Variants in SLC16A12 observed in about 807,000 individuals in gnomAD.
SLC16A12 encodes solute carrier family 16 member 12.
Under a neutral mutation model 42.4 loss-of-function variants are expected in SLC16A12, and 17 were observed. The observed-to-expected ratio is 0.40, with a 90% CI of 0.27 to 0.60. The LOEUF (loss-of-function observed/expected upper bound fraction) is 0.60. SLC16A12 is among the 20% of genes least tolerant of loss of function. SLC16A12 has a pLI of 0.42. For synonymous variants in SLC16A12, 224 were observed against 229.4 expected, an observed-to-expected ratio of 0.98 and a Z score of 0.21; for missense variants, 544 against 623.0, an observed-to-expected ratio of 0.87 and a Z score of 1.35.
intron 3 of SLC16A12, among the ~76,000 whole-genome samples, chr10:89,454,794 C>T (rs1273206062): frequency 6.6e-6 from 1 of 152,114 alleles, no homozygotes; most frequent in African/African-American, 2.4e-5. Context: ...GGACATTTAT[C>T]ACACTGTGTG....
intron 2 of SLC16A12, among the ~76,000 whole-genome samples, chr10:89,506,806 T>C (rs1287887704): frequency 1.3e-5 from 2 of 152,066 alleles, no homozygotes; most frequent in Admixed American, 6.6e-5. Flanking sequence ...TCTAACCCAA[T>C]GCAAGAAAGC....
At chr10:89,436,804 G>GA (rs1841793474) in intron 6 of SLC16A12, among the ~76,000 whole-genome samples, 1 of 131,376 alleles carries the variant, frequency 7.6e-6, no homozygotes, top group Admixed American at 7.4e-5. Flanking sequence ...GAAAGGAAAG[G>GA]AGGAAGGAAG....
intron 2 of SLC16A12, among the ~76,000 whole-genome samples, chr10:89,517,895 CACT>C (rs1179458612): frequency 1.3e-5 from 2 of 152,084 alleles, no homozygotes; most frequent in Non-Finnish European, 1.5e-5. Context: ...AATTAAGAAA[CACT>C]ACTATATTAA....
chr10:89,450,124 G>C (rs1842070198), intron 3 of SLC16A12, among the ~76,000 whole-genome samples: 1 of 152,222 alleles, frequency 6.6e-6, no homozygotes, highest in Non-Finnish European at 1.5e-5. Context: ...GTGCTGGAGA[G>C]GATGTGGAGA....
At position 89,436,220 on chromosome 10, in the gene SLC16A12, G is replaced by A. The variant is rs1400294427; in HGVS notation, c.1128C>T (p.Leu376=). The change falls in exon 7 of 8, where the codon CTC becomes CTT. Residue 376 remains leucine, a synonymous_variant. Coordinates refer to ENST00000371790, the MANE Select transcript of SLC16A12 (RefSeq NM_213606.4). ...AGCCAAAGGTACAAGAGAAAGGCAC[G>A]AGCAGAGGGAGACTTTGAAGCATTG... The part of the protein sequence containing the change: ...CLPMLQSLPL[L]VPFSCTFGYF... 6 of 1,614,108 alleles carry A rather than the reference G, an allele frequency of 3.7e-6. No individual in the cohort carries two copies. Among genetic ancestry groups the A allele is most frequent in the South Asian group, 3.3e-5 (3 of 91,080 alleles).
In SLC16A12 at chr10:89,436,082, G is replaced by A; in HGVS notation, c.1266C>T (p.Tyr422=). 1 of 1,613,938 alleles carries A rather than the reference G, an allele frequency of 6.2e-7. No individual in the cohort carries two copies. Among genetic ancestry groups the A allele is most frequent in the Non-Finnish European group, 8.5e-7 (1 of 1,179,876 alleles). ...GVVYFLHAVP[Y]LVSPPIAGRL... is the part of the protein sequence containing the mutation. ...TACCTGCGATGGGTGGGCTCACCAA[G>A]TATGGCACTGCGTGAAGGAAGTATA... Residue 422 remains tyrosine, a synonymous_variant, in exon 7 of 8, where the codon TAC becomes TAT. Transcript: ENST00000371790.
chr10:89,532,930 C>T (rs933460677), intron 2 of SLC16A12, among the ~76,000 whole-genome samples: 1 of 152,130 alleles, frequency 6.6e-6, no homozygotes, highest in African/African-American at 2.4e-5. Flanking sequence ...AATTAGTCTC[C>T]AATACTAACA....
At chr10:89,468,812 T>C (rs1461432488) in intron 2 of SLC16A12, among the ~76,000 whole-genome samples, 1 of 152,036 alleles carries the variant, frequency 6.6e-6, no homozygotes, top group Non-Finnish European at 1.5e-5. Context: ...GAGACAAATA[T>C]AATGGGCAGG....
At chr10:89,496,093 ATAAT>A (rs1315176685) in intron 2 of SLC16A12, among the ~76,000 whole-genome samples, 2 of 152,194 alleles carry the variant, frequency 1.3e-5, no homozygotes, top group Non-Finnish European at 2.9e-5. Flanking sequence ...AACATAACTA[ATAAT>A]TATTATAACA....
intron 2 of SLC16A12, among the ~76,000 whole-genome samples, chr10:89,502,175 G>T (rs1308883031): frequency 6.6e-6 from 1 of 152,110 alleles, no homozygotes; most frequent in Non-Finnish European, 1.5e-5. Context: ...GCCCGGCCGG[G>T]TGCGGTGGCT....
intron 2 of SLC16A12, among the ~76,000 whole-genome samples, chr10:89,505,909 T>A (rs1488445927): frequency 6.6e-6 from 1 of 152,170 alleles, no homozygotes; most frequent in East Asian, 1.9e-4. Context: ...GAGGGGTGTC[T>A]GCCATTGCTG....
intron 2 of SLC16A12, among the ~76,000 whole-genome samples, chr10:89,469,103 T>C (rs1239829501): frequency 6.6e-6 from 1 of 152,196 alleles, no homozygotes; most frequent in Admixed American, 6.5e-5. Context: ...CACCCCAGCC[T>C]AAAACTATAA....
intron 2 of SLC16A12, among the ~76,000 whole-genome samples, chr10:89,546,007 G>A (rs949411415): frequency 6.6e-6 from 1 of 152,090 alleles, no homozygotes; most frequent in African/African-American, 2.4e-5. Flanking sequence ...ACTGAAACTG[G>A]ACCCGTTCCT....
chr10:89,499,997 T>C (rs1842971364), intron 2 of SLC16A12, among the ~76,000 whole-genome samples: 1 of 151,964 alleles, frequency 6.6e-6, no homozygotes, highest in Non-Finnish European at 1.5e-5. Flanking sequence ...ATACAAAAGA[T>C]CATTCAAGGC....
At chr10:89,534,352 C>T (rs1241263537) in intron 2 of SLC16A12, 149 bp downstream of exon 2, 1 of 152,150 alleles carries the variant, frequency 6.6e-6, no homozygotes, top group African/African-American at 2.4e-5. Flanking sequence ...GAATGTGTTT[C>T]TGAATTTGAA....
chr10:89,514,324 T>A (rs1192763044), intron 2 of SLC16A12, among the ~76,000 whole-genome samples: 1 of 152,186 alleles, frequency 6.6e-6, no homozygotes, highest in Admixed American at 6.5e-5. Context: ...TGAAGTCAAA[T>A]AAGAAAGAAA....
rs141493130 is a variant in SLC16A12, at chr10:89,546,379, G to A, written c.-47+9503C>T. Among the ~76,000 whole-genome samples, 258 of 152,252 alleles carry A rather than the reference G, an allele frequency of 1.7e-3. 2 individuals are homozygous for A. The highest frequency in any genetic ancestry group is 0.013 in the East Asian group (65 of 5,178). ...CCATCAAAAAGTGAGCAAAGGATATGGACAGACAATTCTCAAAAGAAGACA... is the reference window on the plus strand; with the variant it reads ...CCATCAAAAAGTGAGCAAAGGATATAGACAGACAATTCTCAAAAGAAGACA... On this transcript the variant is annotated intron_variant, in intron 2 of 2. Transcript: ENST00000475682.
At chr10:89,545,427 G>A (rs988544379) in intron 2 of SLC16A12, among the ~76,000 whole-genome samples, 1 of 152,094 alleles carries the variant, frequency 6.6e-6, no homozygotes, top group Non-Finnish European at 1.5e-5. Context: ...ACCAACAGTA[G>A]ACAAGCAGAG....
At chr10:89,512,484 C>T (rs1384115449) in intron 2 of SLC16A12, among the ~76,000 whole-genome samples, 1 of 152,098 alleles carries the variant, frequency 6.6e-6, no homozygotes, top group African/African-American at 2.4e-5. Flanking sequence ...CCACCCTTGA[C>T]CTTAGGGGAA....
Sources: allele counts gnomAD v4.1 joint callset (sites outside exome capture counted in the v4.1 genomes callset), GRCh38; gene constraint gnomAD v4.1.1; transcripts MANE v1.5; gene names NCBI Gene and HGNC (gene_info 2026-07-23, HGNC 2026-07-21).